The following PLCG2 variants were observed in gnomAD, a reference collection of about 807,000 sequenced individuals.
The protein encoded by PLCG2 is phospholipase C gamma 2.
In PLCG2, 69 loss-of-function variants were observed where a neutral mutation model predicts 175.6. That is an observed-to-expected ratio of 0.39 (90% confidence interval 0.32 to 0.48). PLCG2 has a LOEUF of 0.48. Among genes scored for constraint, PLCG2 ranks in the 20% least tolerant of loss-of-function variants. PLCG2 has a pLI of 0.91. For missense variants in PLCG2, 1,798 were observed against 1,650.9 expected, an observed-to-expected ratio of 1.09 and a Z score of -1.54; for synonymous variants, 827 against 624.0, an observed-to-expected ratio of 1.33 and a Z score of -4.85.
chr16:81,845,069 C>G (rs138722780), intron 2 of PLCG2, among the ~76,000 whole-genome samples: 64 of 152,304 alleles, frequency 4.2e-4, no homozygotes, highest in African/African-American at 1.5e-3. Flanking sequence ...GCTGAGACTA[C>G]CAGTGTGCAC....
chr16:81,818,411 C>G (rs1440254588), intron 2 of PLCG2, among the ~76,000 whole-genome samples: 1 of 152,180 alleles, frequency 6.6e-6, no homozygotes, highest in Admixed American at 6.5e-5. Context: ...GCTGTTTGTT[C>G]CATTCATTGT....
chr16:81,940,052 C>G lies in PLCG2; in HGVS notation c.3474C>G (p.Val1158=). 1 of 1,609,090 alleles carries G rather than the reference C, an allele frequency of 6.2e-7. No homozygotes were observed. The highest frequency in any genetic ancestry group is 1.3e-5 in the African/African-American group (1 of 74,984). ...ATGCCACTTACCCCATTAAAGCAGT[C>G]AAATCAGGTAAGAGGCATTTTAATT... is the stretch of plus-strand genomic sequence containing the variant. ...LAHATYPIKA[V]KSGFRSVPLK... Residue 1158 remains valine, a synonymous_variant, in exon 30 of 33, where the codon GTC becomes GTG. Coordinates refer to ENST00000564138, the MANE Select transcript of PLCG2 (RefSeq NM_002661.5).
intron 26 of PLCG2, chr16:81,935,582 C>T (rs188867153): frequency 2.7e-4 from 269 of 985,276 alleles, no homozygotes; most frequent in South Asian, 3.3e-4. Flanking sequence ...GTTAACTTAC[C>T]GGGAGGCCAG....
At chr16:81,944,260 C>T (rs187699408) in intron 30 of PLCG2, among the ~76,000 whole-genome samples, 5 of 150,464 alleles carry the variant, frequency 3.3e-5, no homozygotes, top group African/African-American at 1.2e-4. Flanking sequence ...AGTCAGCCCT[C>T]TGGATCTGTG....
intron 29 of PLCG2, 43 bp from the exon 30 acceptor site, chr16:81,939,849 G>C: frequency 1.5e-6 from 2 of 1,373,802 alleles, no homozygotes; most frequent in Non-Finnish European, 2.1e-6. Context: ...CCAGAAGGGG[G>C]CAGCTCCAAT....
intron 1 of PLCG2, among the ~76,000 whole-genome samples, chr16:81,746,697 C>T (rs1909714188): frequency 6.6e-6 from 1 of 152,156 alleles, no homozygotes; most frequent in Non-Finnish European, 1.5e-5. Context: ...AGTAAACAGG[C>T]AGTTTAACCT....
intron 10 of PLCG2, among the ~76,000 whole-genome samples, chr16:81,890,885 G>A (rs552859846): frequency 2.0e-5 from 3 of 152,142 alleles, no homozygotes; most frequent in Admixed American, 1.3e-4. Context: ...ATATGAGGCC[G>A]GGTGCAGTGG....
At chr16:81,829,378 G>T (rs539599485) in intron 2 of PLCG2, among the ~76,000 whole-genome samples, 1 of 152,276 alleles carries the variant, frequency 6.6e-6, no homozygotes, top group South Asian at 2.1e-4. Context: ...CAAAGTGCTG[G>T]GATTACAGGC....
At chr16:81,745,021 T>C (rs776067465) in intron 1 of PLCG2, among the ~76,000 whole-genome samples, 1 of 152,202 alleles carries the variant, frequency 6.6e-6, no homozygotes, top group Non-Finnish European at 1.5e-5. Context: ...AATAATGTTA[T>C]GCAGTGGAAC....
chr16:81,822,162 C>G (rs773508035), intron 2 of PLCG2, among the ~76,000 whole-genome samples: 1 of 151,992 alleles, frequency 6.6e-6, no homozygotes. Context: ...TTAGCTTTGT[C>G]AATTGTGGTG....
At chr16:81,740,945 A>T (rs1479555507) in intron 1 of PLCG2, among the ~76,000 whole-genome samples, 1 of 152,130 alleles carries the variant, frequency 6.6e-6, no homozygotes, top group Non-Finnish European at 1.5e-5. Flanking sequence ...ATTCCCACAG[A>T]TGTGAGACAG....
chr16:81,954,292 G>C (rs1410583894), intron 31 of PLCG2, among the ~76,000 whole-genome samples: 1 of 152,212 alleles, frequency 6.6e-6, no homozygotes, highest in Admixed American at 6.5e-5. Context: ...AAGTGCTGGG[G>C]ATTACATGCC....
At chr16:81,816,261 C>T (rs577158273) in intron 2 of PLCG2, among the ~76,000 whole-genome samples, 22 of 152,144 alleles carry the variant, frequency 1.4e-4, no homozygotes, top group Non-Finnish European at 2.2e-4. Context: ...ATCCCAGCTA[C>T]TTGGGAGGCA....
At chr16:81,794,904 C>T (rs1266671739) in intron 2 of PLCG2, among the ~76,000 whole-genome samples, 1 of 152,188 alleles carries the variant, frequency 6.6e-6, no homozygotes, top group Non-Finnish European at 1.5e-5. Flanking sequence ...TTGGAGCATG[C>T]CAGTGTGAAA....
chr16:81,792,588 C>T (rs1237606575), intron 2 of PLCG2, among the ~76,000 whole-genome samples: 1 of 151,278 alleles, frequency 6.6e-6, no homozygotes, highest in African/African-American at 2.4e-5. Flanking sequence ...AATTGACTCA[C>T]ACACAATATG....
chr16:81,874,953 T>TTGTTTTTTTGTTC (rs1555514796), intron 7 of PLCG2, among the ~76,000 whole-genome samples: 1 of 122,892 alleles, frequency 8.1e-6, no homozygotes, highest in Non-Finnish European at 1.7e-5. Flanking sequence ...TATGTGTTTT[T>TTGTTTTTTTGTTC]TTTTTTTTTT....
intron 5 of PLCG2, among the ~76,000 whole-genome samples, chr16:81,868,027 C>T (rs1324756075): frequency 1.3e-5 from 2 of 152,326 alleles, no homozygotes; most frequent in Middle Eastern, 3.4e-3. Context: ...AGCTGAACCT[C>T]ACTATGTGGC....
At chr16:81,845,776 G>A (rs1267090499) in intron 2 of PLCG2, among the ~76,000 whole-genome samples, 1 of 152,216 alleles carries the variant, frequency 6.6e-6, no homozygotes, top group East Asian at 1.9e-4. Flanking sequence ...GGGTGGAGAT[G>A]TCAACAAAAA....
At chr16:81,943,755 A>G (rs1911046095) in intron 30 of PLCG2, among the ~76,000 whole-genome samples, 1 of 152,362 alleles carries the variant, frequency 6.6e-6, no homozygotes, top group Non-Finnish European at 1.5e-5. Context: ...AAAACAAACT[A>G]GCAACAAAAA....
Sources: gnomAD v4.1 joint callset for allele counts (sites outside exome capture counted in the v4.1 genomes callset) on GRCh38, gnomAD v4.1.1 for gene constraint, MANE v1.5 for transcripts, NCBI Gene and HGNC (gene_info 2026-07-23, HGNC 2026-07-21) for gene names.